Variants in ANK2 observed in about 807,000 individuals in gnomAD.
The protein encoded by ANK2 is ankyrin 2.
Under a neutral mutation model 360.5 loss-of-function variants are expected in ANK2, and 83 were observed. The ratio of observed to expected loss-of-function variants is 0.23; its 90% confidence interval spans 0.19 to 0.28. The LOEUF is 0.28. Ranked by LOEUF, ANK2 falls within the 10% of genes least tolerant of loss-of-function variation. The pLI, the probability that ANK2 is intolerant of heterozygous loss-of-function variation, is 1.00. For synonymous variants in ANK2, 1,740 were observed against 1,759.5 expected (o/e 0.99, Z 0.28); for missense variants, 4,201 against 4,795.7 (o/e 0.88, Z 3.66).
intron 1 of ANK2, among the ~76,000 whole-genome samples, chr4:112,876,997 C>T (rs2075310544): frequency 6.6e-6 from 1 of 152,260 alleles, no homozygotes; most frequent in African/African-American, 2.4e-5. Flanking sequence ...CCTCTCCCTT[C>T]CTCTGAGCAG....
intron 2 of ANK2, chr4:113,031,173 A>G (rs2060321487): frequency 6.6e-6 from 1 of 152,086 alleles, no homozygotes; most frequent in Non-Finnish European, 1.5e-5. Context: ...TCTTTAAAAT[A>G]TATTACAAAT....
chr4:113,261,245 A>G (rs1219883449), intron 13 of ANK2, among the ~76,000 whole-genome samples: 1 of 152,182 alleles, frequency 6.6e-6, no homozygotes, highest in Non-Finnish European at 1.5e-5. Flanking sequence ...TTTGAAACTT[A>G]GAATGCCGAA....
At chr4:113,219,512 C>A (rs551048970) in intron 4 of ANK2, among the ~76,000 whole-genome samples, 4,223 of 151,968 alleles carry the variant, frequency 0.028, 96 homozygotes, top group East Asian at 0.067. Flanking sequence ...TTACAAAAAA[C>A]AATGAAGAAA....
intron 2 of ANK2, among the ~76,000 whole-genome samples, chr4:112,985,630 A>G (rs1323469977): frequency 1.3e-5 from 2 of 152,204 alleles, no homozygotes; most frequent in Admixed American, 6.5e-5. Context: ...CTTTGAAGCT[A>G]CTAGCTTCAG....
the ANK2 span, among the ~76,000 whole-genome samples, chr4:112,809,504 T>C: frequency 1.4e-5 from 2 of 145,520 alleles, no homozygotes; most frequent in Admixed American, 7.0e-5. Flanking sequence ...GAGGTTGCAG[T>C]GAGCCGAGAT....
At chr4:113,363,237 C>A in intron 39 of ANK2, 101 bp from the exon 40 acceptor site, 1 of 1,208,068 alleles carries the variant, frequency 8.3e-7, no homozygotes, top group Non-Finnish European at 1.2e-6. Flanking sequence ...CAAATACTCA[C>A]CACAATATAA....
intron 4 of ANK2, among the ~76,000 whole-genome samples, chr4:113,219,105 A>G (rs1283997358): frequency 3.3e-5 from 5 of 152,120 alleles, no homozygotes; most frequent in Non-Finnish European, 5.9e-5. Flanking sequence ...AAATTGCTCA[A>G]TATACCTATT....
chr4:112,846,208 C>T (rs986797633), intron 1 of ANK2, among the ~76,000 whole-genome samples: 4 of 152,008 alleles, frequency 2.6e-5, no homozygotes, highest in Non-Finnish European at 5.9e-5. Flanking sequence ...CTCTCTGGCT[C>T]AAGGGATCCT....
intron 1 of ANK2, among the ~76,000 whole-genome samples, chr4:113,088,348 G>A (rs921575303): frequency 1.3e-5 from 2 of 152,138 alleles, no homozygotes; most frequent in Admixed American, 6.5e-5. Context: ...ATGGGCAAGG[G>A]GACAAGCTGG....
At chr4:112,771,157 G>C in the ANK2 span, among the ~76,000 whole-genome samples, 1 of 152,174 alleles carries the variant, frequency 6.6e-6, no homozygotes, top group African/African-American at 2.4e-5. Flanking sequence ...TTGTTGCCCA[G>C]GCTGTAGTGC....
chr4:112,964,164 C>A (rs1322744145), intron 2 of ANK2, among the ~76,000 whole-genome samples: 1 of 148,702 alleles, frequency 6.7e-6, no homozygotes, highest in Non-Finnish European at 1.5e-5. Context: ...TACAGGCATG[C>A]AGTAAGCAAT....
At chr4:113,090,916 G>T (rs2087665914) in intron 1 of ANK2, among the ~76,000 whole-genome samples, 1 of 152,202 alleles carries the variant, frequency 6.6e-6, no homozygotes, top group Non-Finnish European at 1.5e-5. Context: ...GACAATGACA[G>T]AGTTGTGGCT....
chr4:113,051,476 C>G (rs1401948752), intron 1 of ANK2, among the ~76,000 whole-genome samples: 3 of 152,130 alleles, frequency 2.0e-5, no homozygotes, highest in Non-Finnish European at 2.9e-5. Context: ...TGAATTTTCT[C>G]AAATAAATTT....
Position 113,370,619 on chromosome 4 carries a change from G to T in ANK2, c.11610+814G>T, listed in dbSNP as rs111360488. 5.3e-3 allele frequency among the ~76,000 whole-genome samples: 803 copies of T among 152,202 alleles called. 5 individuals are homozygous for T. The highest frequency in any genetic ancestry group is 9.3e-3 in the Non-Finnish European group (631 of 68,016). The stretch of plus-strand genomic sequence containing the variant: ...CTACAAATACAAAAAAATTAGCCAG[G>T]TATGGTGGCGAGTGCCTGTAGTCCC... On this transcript the variant is annotated intron_variant, in intron 43 of 45. Coordinates refer to ENST00000357077, the MANE Select transcript of ANK2 (RefSeq NM_001148.6).
chr4:113,081,510 CT>C (rs1233848281), intron 1 of ANK2, among the ~76,000 whole-genome samples: 1 of 152,032 alleles, frequency 6.6e-6, no homozygotes, highest in Non-Finnish European at 1.5e-5. Context: ...AAGCTTAATA[CT>C]TAATGGAAAG....
chr4:113,082,071 A>G (rs1180513561), intron 1 of ANK2, among the ~76,000 whole-genome samples: 1 of 152,172 alleles, frequency 6.6e-6, no homozygotes, highest in Non-Finnish European at 1.5e-5. Context: ...GGCCTCCCAG[A>G]GTGCTGGGAT....
chr4:113,043,071 C>T (rs1364982218), intron 2 of ANK2, among the ~76,000 whole-genome samples: 1 of 151,994 alleles, frequency 6.6e-6, no homozygotes, highest in Non-Finnish European at 1.5e-5. Context: ...GTCAGTGACC[C>T]CCCAAATATC....
chr4:112,915,116 T>C (rs1244313134), intron 2 of ANK2, among the ~76,000 whole-genome samples: 1 of 152,230 alleles, frequency 6.6e-6, no homozygotes, highest in Admixed American at 6.5e-5. Flanking sequence ...CTATGAGTTC[T>C]ACTGAATTGA....
chr4:113,207,781 C>T (rs560173232), intron 4 of ANK2, among the ~76,000 whole-genome samples: 1 of 152,082 alleles, frequency 6.6e-6, no homozygotes, highest in East Asian at 1.9e-4. Flanking sequence ...CGCACTCACT[C>T]ACTCAGCAGG....
Sources: gnomAD v4.1 joint callset for allele counts (sites outside exome capture counted in the v4.1 genomes callset) on GRCh38, gnomAD v4.1.1 for gene constraint, MANE v1.5 for transcripts, NCBI Gene and HGNC (gene_info 2026-07-23, HGNC 2026-07-21) for gene names.